The following CNTN4 variants were observed in gnomAD, a reference collection of about 807,000 sequenced individuals.
The protein encoded by CNTN4 is contactin 4, also known as contactin-4.
CNTN4 carries 77 observed loss-of-function variants against 122.5 expected under a neutral mutation model. The ratio of observed to expected loss-of-function variants is 0.63; its 90% CI spans 0.52 to 0.76. CNTN4 has a LOEUF of 0.76. Among genes scored for constraint, CNTN4 ranks in the 30% least tolerant of loss-of-function variants. The pLI, the probability that CNTN4 is intolerant of heterozygous loss-of-function variation, is 0.00. For missense variants in CNTN4, 1,256 were observed against 1,259.1 expected, an observed-to-expected ratio of 1.00 and a Z score of 0.04; for synonymous variants, 512 against 447.0, an observed-to-expected ratio of 1.15 and a Z score of -1.83.
At chr3:2,481,058 T>TTTCTTTCTTTCTTTCTTTCTTTCTTTC in intron 3 of CNTN4, among the ~76,000 whole-genome samples, 1 of 143,702 alleles carries the variant, frequency 7.0e-6, no homozygotes, top group South Asian at 2.2e-4. Context: ...TCTTTCTTTC[T>TTTCTTTCTTTCTTTCTTTCTTTCTTTC]TTCTCTCTTT....
At chr3:2,637,834 TC>T (rs1345583644) in intron 4 of CNTN4, among the ~76,000 whole-genome samples, 1 of 152,114 alleles carries the variant, frequency 6.6e-6, no homozygotes, top group Non-Finnish European at 1.5e-5. Flanking sequence ...ATTTCTAACT[TC>T]CGATTACAGA....
intron 2 of CNTN4, among the ~76,000 whole-genome samples, chr3:2,219,290 A>G (rs77685161): frequency 0.14 from 21,955 of 152,208 alleles, 1,958 homozygotes; most frequent in Non-Finnish European, 0.21. Context: ...AAATACATAC[A>G]TATGTATAAA....
chr3:2,260,215 T>A (rs1305604816), intron 2 of CNTN4, among the ~76,000 whole-genome samples: 2 of 152,048 alleles, frequency 1.3e-5, no homozygotes, highest in East Asian at 3.9e-4. Flanking sequence ...CCCATTGATA[T>A]TTTGGGCCAG....
At chr3:2,106,283 A>G (rs1363029489) in intron 2 of CNTN4, among the ~76,000 whole-genome samples, 1 of 152,216 alleles carries the variant, frequency 6.6e-6, no homozygotes. Context: ...GCAGTGTCCC[A>G]GTGGTGACTC....
intron 3 of CNTN4, among the ~76,000 whole-genome samples, chr3:2,566,948 A>G (rs1340170583): frequency 6.6e-6 from 1 of 152,236 alleles, no homozygotes; most frequent in East Asian, 1.9e-4. Context: ...CAAAAAAGGT[A>G]AAATAGATAT....
At chr3:2,315,017 T>A (rs1248222150) in intron 2 of CNTN4, among the ~76,000 whole-genome samples, 1 of 152,070 alleles carries the variant, frequency 6.6e-6, no homozygotes, top group Non-Finnish European at 1.5e-5. Flanking sequence ...TTATTTTATA[T>A]TTCCTAAGAG....
chr3:2,756,404 A>C (rs2090341525), intron 6 of CNTN4, among the ~76,000 whole-genome samples: 1 of 152,142 alleles, frequency 6.6e-6, no homozygotes, highest in South Asian at 2.1e-4. Context: ...CAGTCAGTGA[A>C]ACAGGAAGAG....
chr3:2,217,533 T>C (rs1454444188), intron 2 of CNTN4, among the ~76,000 whole-genome samples: 1 of 152,234 alleles, frequency 6.6e-6, no homozygotes, highest in Non-Finnish European at 1.5e-5. Flanking sequence ...TTGAAAATCA[T>C]AATCACTTTC....
At chr3:2,701,630 G>A (rs2086365857) in intron 4 of CNTN4, among the ~76,000 whole-genome samples, 1 of 152,114 alleles carries the variant, frequency 6.6e-6, no homozygotes, top group African/African-American at 2.4e-5. Context: ...GCTTCATAGG[G>A]CTAGACAGCA....
chr3:2,735,596 C>G (rs1161460259), intron 4 of CNTN4, among the ~76,000 whole-genome samples: 1 of 152,098 alleles, frequency 6.6e-6, no homozygotes, highest in Non-Finnish European at 1.5e-5. Context: ...GACATTTATG[C>G]AAGGTAGACC....
intron 3 of CNTN4, among the ~76,000 whole-genome samples, chr3:2,372,916 C>T (rs1009035423): frequency 8.6e-5 from 13 of 151,998 alleles, no homozygotes; most frequent in African/African-American, 2.2e-4. Flanking sequence ...GGCATGGTGG[C>T]GTGCACCTGT....
intron 8 of CNTN4, among the ~76,000 whole-genome samples, chr3:2,877,033 A>C (rs753019311): frequency 1.1e-4 from 16 of 152,210 alleles, no homozygotes; most frequent in Non-Finnish European, 2.2e-4. Flanking sequence ...CAAGCCTTTC[A>C]GTTGATTTCA....
At chr3:2,934,918 C>T (rs192722300) in intron 13 of CNTN4, among the ~76,000 whole-genome samples, 1 of 152,230 alleles carries the variant, frequency 6.6e-6, no homozygotes, top group Non-Finnish European at 1.5e-5. Context: ...TTATACCGCT[C>T]TTCAAATTCA....
At chr3:2,322,787 TAA>T (rs1424134330) in intron 2 of CNTN4, among the ~76,000 whole-genome samples, 12 of 152,346 alleles carry the variant, frequency 7.9e-5, no homozygotes, top group African/African-American at 2.4e-4. Flanking sequence ...AATATGCTGT[TAA>T]GTGTCTTTTT....
At chr3:2,652,786 C>T (rs985570069) in intron 4 of CNTN4, among the ~76,000 whole-genome samples, 1 of 151,938 alleles carries the variant, frequency 6.6e-6, no homozygotes, top group African/African-American at 2.4e-5. Context: ...CCATCGTAGA[C>T]GTGTGGTCGC....
rs1006566045 is a variant in CNTN4 at position 2,168,994 on chromosome 3, C to A, written c.-145+68355C>A. Among the ~76,000 whole-genome samples the A allele has an allele frequency of 3.3e-5, 5 of 152,086 alleles. No homozygotes were observed. In the East Asian group the frequency reaches 9.6e-4, roughly 29 times the overall value. ...TAGTTAAGTGCTGAAGCTCAAGAGA[C>A]AAATCATTACCAAGTGATTTAAAAT... is the stretch of plus-strand genomic sequence containing the variant. On this transcript the variant is annotated intron_variant, in intron 2 of 24. Coordinates refer to ENST00000418658, the MANE Select transcript of CNTN4 (RefSeq NM_175607.3).
intron 15 of CNTN4, among the ~76,000 whole-genome samples, 161 bp downstream of exon 15, chr3:3,026,438 T>A (rs539355152): frequency 1.3e-5 from 2 of 152,328 alleles, no homozygotes; most frequent in South Asian, 4.1e-4. Context: ...GCATCACTCA[T>A]TGAACAACTC....
chr3:2,439,164 T>C (rs1204199650), intron 3 of CNTN4, among the ~76,000 whole-genome samples: 1 of 152,198 alleles, frequency 6.6e-6, no homozygotes, highest in Non-Finnish European at 1.5e-5. Context: ...ATAACTTTTA[T>C]ATTAGAGCAT....
chr3:2,916,877 A>T (rs1287855702), intron 12 of CNTN4, among the ~76,000 whole-genome samples: 1 of 150,634 alleles, frequency 6.6e-6, no homozygotes, highest in Non-Finnish European at 1.5e-5. Context: ...CTAGACGTCT[A>T]GGTGGCACTT....
Sources: allele counts gnomAD v4.1 joint callset (sites outside exome capture counted in the v4.1 genomes callset), GRCh38; gene constraint gnomAD v4.1.1; transcripts MANE v1.5; gene names NCBI Gene and HGNC (gene_info 2026-07-23, HGNC 2026-07-21).